Variants in PHACTR3 observed in about 807,000 individuals in gnomAD.
PHACTR3 encodes protein phosphatase 1, regulatory subunit 123.
PHACTR3 carries 16 observed loss-of-function variants against 66.8 expected under a neutral mutation model. The ratio of observed to expected loss-of-function variants is 0.24; its 90% CI spans 0.16 to 0.36. The LOEUF (loss-of-function observed/expected upper bound fraction) is 0.36. Among genes scored for constraint, PHACTR3 ranks in the 10% least tolerant of loss-of-function variants. PHACTR3 has a pLI of 1.00. For synonymous variants in PHACTR3, 323 were observed against 292.1 expected, an observed-to-expected ratio of 1.11 and a Z score of -1.08; for missense variants, 647 against 719.9, an observed-to-expected ratio of 0.90 and a Z score of 1.16.
At chr20:59,616,415 C>T (rs1388095372) in intron 1 of PHACTR3, among the ~76,000 whole-genome samples, 1 of 152,170 alleles carries the variant, frequency 6.6e-6, no homozygotes, top group East Asian at 1.9e-4. Context: ...GGAGGGCTTT[C>T]CTGGTCTGAG....
At chr20:59,687,815 C>T (rs1029681730) in intron 1 of PHACTR3, among the ~76,000 whole-genome samples, 8 of 151,944 alleles carry the variant, frequency 5.3e-5, no homozygotes, top group Admixed American at 1.3e-4. Context: ...TGCTAGGACA[C>T]GCTTTGAGTA....
At chr20:59,651,339 T>G (rs1291260909) in intron 1 of PHACTR3, among the ~76,000 whole-genome samples, 1 of 152,244 alleles carries the variant, frequency 6.6e-6, no homozygotes, top group African/African-American at 2.4e-5. Context: ...TGTAGTAAAT[T>G]ATGAACTATT....
rs115408319 is a variant in PHACTR3, at chr20:59,754,283, C to T, written c.359-899C>T. ...ACCCTCAGAGGCTGCAGCAGCCGAG[C>T]TTCAAGAGACGGAAAGCACCAGGTC... On this transcript the variant is annotated intron_variant, in intron 3 of 12. Transcript: ENST00000371015. Among the ~76,000 whole-genome samples the T allele has an allele frequency of 5.6e-3, 855 of 152,332 alleles. 8 individuals carry two copies. The highest frequency in any genetic ancestry group is 0.02 in the African/African-American group (816 of 41,580).
chr20:59,663,046 G>A lies in PHACTR3; in HGVS notation c.118+57914G>A, dbSNP rs529314715. ...AAAGTTTCTGGGGCAGGATGCCCCT[G>A]GGCCTCTCTAGCGTCTGGGGGCTGC... On this transcript the variant is annotated intron_variant, in intron 1 of 12. Coordinates refer to ENST00000371015, the MANE Select transcript of PHACTR3 (RefSeq NM_080672.5). 2.0e-5 allele frequency among the ~76,000 whole-genome samples: 3 copies of A among 152,338 alleles called. No individual in the cohort carries two copies. In the South Asian group the frequency reaches 6.2e-4, roughly 32 times the overall value.
chr20:59,722,689 G>A (rs1486142861), intron 1 of PHACTR3, among the ~76,000 whole-genome samples: 2 of 152,110 alleles, frequency 1.3e-5, no homozygotes, highest in Non-Finnish European at 2.9e-5. Flanking sequence ...GGATGAGGGG[G>A]ACACTCTTGC....
chr20:59,810,544 C>T (rs769143305), intron 8 of PHACTR3, among the ~76,000 whole-genome samples: 4 of 152,242 alleles, frequency 2.6e-5, no homozygotes, highest in Non-Finnish European at 5.9e-5. Flanking sequence ...TCCACCGTCT[C>T]TTGCTAAGTA....
chr20:59,836,408 T>C, intron 8 of PHACTR3, 97 bp from the exon 9 acceptor site: 1 of 1,177,236 alleles, frequency 8.5e-7, no homozygotes, highest in Non-Finnish European at 1.2e-6. Flanking sequence ...AGGCGATCTA[T>C]AGGGGTTTGC....
chr20:59,811,680 A>G (rs544352740), intron 8 of PHACTR3, among the ~76,000 whole-genome samples: 1 of 147,278 alleles, frequency 6.8e-6, no homozygotes, highest in Admixed American at 6.8e-5. Flanking sequence ...GGCAGTGCAG[A>G]CTGTCAACAC....
chr20:59,758,987 G>C (rs2039903366), intron 4 of PHACTR3, among the ~76,000 whole-genome samples: 1 of 152,174 alleles, frequency 6.6e-6, no homozygotes, highest in African/African-American at 2.4e-5. Context: ...TAGCATCACT[G>C]TTACTCTCAC....
intron 1 of PHACTR3, among the ~76,000 whole-genome samples, chr20:59,622,981 C>CAAAAAAAAAAAAAAAAAAAAAAACAAAA (rs71183177): frequency 3.1e-5 from 1 of 32,216 alleles, no homozygotes; most frequent in Non-Finnish European, 5.5e-5. Flanking sequence ...CAGCTTTAAC[C>CAAAAAAAAAAAAAAAAAAAAAAACAAAA]AAAAAAAAAA....
chr20:59,665,498 T>A (rs1432700217), intron 1 of PHACTR3, among the ~76,000 whole-genome samples: 3 of 151,776 alleles, frequency 2.0e-5, no homozygotes, highest in Non-Finnish European at 4.4e-5. Context: ...TAAAATGAAT[T>A]TTTCATATTA....
intron 1 of PHACTR3, chr20:59,628,570 G>A: frequency 1.0e-6 from 1 of 969,286 alleles, no homozygotes; most frequent in South Asian, 4.8e-5. Flanking sequence ...AGAGAGGCGA[G>A]CCCTGTTCTC....
In PHACTR3 at chr20:59,684,143, T is replaced by C. The variant is rs116959183; in HGVS notation, c.119-58964T>C. On this transcript the variant is annotated intron_variant, in intron 1 of 12. Coordinates refer to ENST00000371015, the MANE Select transcript of PHACTR3 (RefSeq NM_080672.5). ...AAGGATACAAGTGGGTTGGTTTCAC[T>C]TCCCTCTGGGCACAGGCTTTCTCTC... Among the ~76,000 whole-genome samples, 83 of 152,304 alleles carry C rather than the reference T, an allele frequency of 5.4e-4. 1 individual carries two copies. In the East Asian group the frequency reaches 0.016, roughly 29 times the overall value.
At chr20:59,842,601 G>T (rs1248590414) in intron 11 of PHACTR3, among the ~76,000 whole-genome samples, 1 of 152,166 alleles carries the variant, frequency 6.6e-6, no homozygotes, top group Non-Finnish European at 1.5e-5. Flanking sequence ...GTGTTTATCT[G>T]AGAAAGAAGT....
chr20:59,744,847 A>G lies in PHACTR3; in HGVS notation c.280+1579A>G, dbSNP rs144136749. Among the ~76,000 whole-genome samples, 147 of 152,232 alleles carry G rather than the reference A, an allele frequency of 9.7e-4. 2 individuals are homozygous for G. In the East Asian group the frequency reaches 0.025, roughly 26 times the overall value. On this transcript the variant is annotated intron_variant, in intron 2 of 12. Coordinates refer to ENST00000371015, the MANE Select transcript of PHACTR3 (RefSeq NM_080672.5). ...TCCGCAGAGTAGGGAGTCGAGTGAC[A>G]AAGTGTGGAAGCCACCAAGTGAACC...
intron 5 of PHACTR3, among the ~76,000 whole-genome samples, chr20:59,771,160 C>T (rs918277087): frequency 4.6e-5 from 7 of 152,172 alleles, no homozygotes; most frequent in South Asian, 2.1e-4. Context: ...CCAAGCTGAG[C>T]GAGAGCAGGC....
intron 1 of PHACTR3, among the ~76,000 whole-genome samples, chr20:59,635,102 T>TC (rs1440075523): frequency 2.5e-5 from 1 of 39,432 alleles, no homozygotes; most frequent in South Asian, 1.4e-3. Context: ...TCTTTCTCTC[T>TC]CTTTCTTTCT....
At chr20:59,737,074 G>T (rs571775042) in intron 1 of PHACTR3, among the ~76,000 whole-genome samples, 1 of 152,222 alleles carries the variant, frequency 6.6e-6, no homozygotes, top group Non-Finnish European at 1.5e-5. Flanking sequence ...TCTGAATCAG[G>T]TTCAAGTCCC....
At chr20:59,771,666 C>G (rs918609342) in intron 5 of PHACTR3, among the ~76,000 whole-genome samples, 1 of 152,146 alleles carries the variant, frequency 6.6e-6, no homozygotes, top group Non-Finnish European at 1.5e-5. Context: ...ATCATCTGCT[C>G]TCTTTCTGTC....
Sources: gnomAD v4.1 joint callset for allele counts (sites outside exome capture counted in the v4.1 genomes callset) on GRCh38, gnomAD v4.1.1 for gene constraint, MANE v1.5 for transcripts, NCBI Gene and HGNC (gene_info 2026-07-23, HGNC 2026-07-21) for gene names.